The following TENM2 variants were observed in gnomAD, a reference collection of about 807,000 sequenced individuals.
TENM2 encodes the protein teneurin-2.
Under a neutral mutation model 245.2 loss-of-function variants are expected in TENM2, and 52 were observed. The observed-to-expected ratio is 0.21, with a 90% confidence interval of 0.17 to 0.27. The LOEUF is 0.27. TENM2 is among the 10% of genes least tolerant of loss of function. TENM2 has a pLI of 1.00. For missense variants in TENM2, 3,046 were observed against 3,666.8 expected (o/e 0.83, Z 4.37); for synonymous variants, 1,363 against 1,438.9 (o/e 0.95, Z 1.19).
chr5:168,175,290 A>T (rs1355377677), intron 13 of TENM2, among the ~76,000 whole-genome samples: 1 of 152,182 alleles, frequency 6.6e-6, no homozygotes, highest in Non-Finnish European at 1.5e-5. Context: ...GATTCTAAAA[A>T]CATACACTGC....
At chr5:167,128,022 C>A in the TENM2 span, among the ~76,000 whole-genome samples, 1 of 152,116 alleles carries the variant, frequency 6.6e-6, no homozygotes, top group Non-Finnish European at 1.5e-5. Flanking sequence ...AAAGCAGTAA[C>A]AAAGAAGGTT....
At chr5:167,707,960 TG>T (rs1758648089) in intron 2 of TENM2, among the ~76,000 whole-genome samples, 1 of 152,206 alleles carries the variant, frequency 6.6e-6, no homozygotes. Context: ...AGGAACGGTG[TG>T]GTGCTCGGAG....
At chr5:168,171,641 T>A (rs915652231) in intron 13 of TENM2, among the ~76,000 whole-genome samples, 4 of 152,266 alleles carry the variant, frequency 2.6e-5, no homozygotes, top group African/African-American at 9.6e-5. Context: ...CAGTCTTTTT[T>A]AATCAAGTCT....
chr5:167,944,686 T>G (rs1255784697), intron 3 of TENM2, among the ~76,000 whole-genome samples: 1 of 152,186 alleles, frequency 6.6e-6, no homozygotes, highest in Admixed American at 6.5e-5. Context: ...AGGAAGGGAC[T>G]GGGCCGTGAC....
chr5:166,980,137 T>C, the TENM2 span, among the ~76,000 whole-genome samples: 1 of 152,330 alleles, frequency 6.6e-6, no homozygotes, highest in Non-Finnish European at 1.5e-5. Flanking sequence ...CCCATGTTGC[T>C]TGCAAAAGAT....
the TENM2 span, among the ~76,000 whole-genome samples, chr5:167,227,445 G>A: frequency 6.6e-6 from 1 of 152,150 alleles, no homozygotes; most frequent in African/African-American, 2.4e-5. Flanking sequence ...TGTAGGGCCA[G>A]TCTAATGGAA....
chr5:167,086,994 T>C, the TENM2 span, among the ~76,000 whole-genome samples: 2 of 150,070 alleles, frequency 1.3e-5, no homozygotes, highest in East Asian at 2.0e-4. Context: ...CCTTCAATGA[T>C]TGTGATTTAA....
In TENM2 at chr5:167,605,872, A is replaced by G. The variant is rs553288252; in HGVS notation, c.502+230399A>G. On this transcript the variant is annotated intron_variant, in intron 2 of 28. Coordinates refer to ENST00000518659, the Ensembl canonical transcript of TENM2. The stretch of plus-strand genomic sequence containing the variant: ...TGAAAGGAGCTTTTAAAAAATATGC[A>G]TATTTGGGTGTCGCCCAGAAGAGTC... Among the ~76,000 whole-genome samples, 164 of 152,298 alleles carry G rather than the reference A, an allele frequency of 1.1e-3. 7 individuals carry two copies. In the South Asian group the frequency reaches 0.033, roughly 31 times the overall value.
intron 15 of TENM2, among the ~76,000 whole-genome samples, chr5:168,198,575 T>G (rs886843977): frequency 6.6e-6 from 1 of 152,230 alleles, no homozygotes; most frequent in African/African-American, 2.4e-5. Context: ...TGCTCTACAC[T>G]CATGATGTTT....
chr5:167,267,214 C>G, the TENM2 span, among the ~76,000 whole-genome samples: 1 of 152,172 alleles, frequency 6.6e-6, no homozygotes, highest in Non-Finnish European at 1.5e-5. Context: ...CTTAGTCATT[C>G]TTCCCAGCAA....
At chr5:168,155,892 T>TAAAAAAAAAAAA (rs55977607) in intron 12 of TENM2, among the ~76,000 whole-genome samples, 8 of 96,936 alleles carry the variant, frequency 8.3e-5, no homozygotes, top group African/African-American at 2.9e-4. Context: ...CTGGCATCTG[T>TAAAAAAAAAAAA]AAAAAAAAAA....
At chr5:167,240,659 G>C in the TENM2 span, among the ~76,000 whole-genome samples, 3 of 152,098 alleles carry the variant, frequency 2.0e-5, no homozygotes, top group African/African-American at 7.2e-5. Context: ...TGGTTTTTCT[G>C]TCCATGTATT....
the TENM2 span, among the ~76,000 whole-genome samples, chr5:167,211,032 A>T: frequency 3.3e-5 from 5 of 152,208 alleles, no homozygotes; most frequent in Non-Finnish European, 5.9e-5. Context: ...AGTTTGTGAA[A>T]GGGAGGGACT....
rs1454623367 is a variant in TENM2, at chr5:168,248,463, T to C, written c.7432+92T>C. Reference sequence around the variant, plus strand: ...GGGAGGAAGGTCTCCCATCTTATGGTAGGAGAAGCCCATGGGCCATAAAGC... The same window carrying C: ...GGGAGGAAGGTCTCCCATCTTATGGCAGGAGAAGCCCATGGGCCATAAAGC... On this transcript the variant is annotated intron_variant, in intron 27 of 28. Coordinates refer to ENST00000518659, the Ensembl canonical transcript of TENM2. 4.5e-6 allele frequency: 6 copies of C among 1,324,992 alleles called. No individual in the cohort carries two copies. In the East Asian group the frequency reaches 7.3e-5, roughly 16 times the overall value. The allele number at this position is 1,324,992 out of a possible 1,614,324, so 82.1% of individuals were successfully genotyped here.
At chr5:167,052,786 G>A in the TENM2 span, among the ~76,000 whole-genome samples, 2 of 149,838 alleles carry the variant, frequency 1.3e-5, no homozygotes, top group Non-Finnish European at 3.0e-5. Context: ...TTTCCCCTAA[G>A]TAAGCATTCT....
At chr5:167,891,869 G>A (rs1774789061) in intron 3 of TENM2, among the ~76,000 whole-genome samples, 1 of 152,082 alleles carries the variant, frequency 6.6e-6, no homozygotes, top group South Asian at 2.1e-4. Context: ...GCCTTGACTT[G>A]CCCACTTCCT....
intron 12 of TENM2, among the ~76,000 whole-genome samples, chr5:168,156,029 A>G (rs1290750039): frequency 6.6e-6 from 1 of 151,920 alleles, no homozygotes; most frequent in African/African-American, 2.4e-5. Context: ...GAATATCTCA[A>G]TGAACAAAAG....
chr5:167,205,311 G>A, the TENM2 span, among the ~76,000 whole-genome samples: 4 of 152,186 alleles, frequency 2.6e-5, no homozygotes, highest in Admixed American at 6.5e-5. Flanking sequence ...GACCTGGGAG[G>A]TGGAGGTTGC....
the TENM2 span, among the ~76,000 whole-genome samples, chr5:167,018,708 C>G: frequency 6.6e-6 from 1 of 151,986 alleles, no homozygotes; most frequent in African/African-American, 2.4e-5. Context: ...AAAAAATATT[C>G]AAGGCATGGA....
Sources: gnomAD v4.1 joint callset for allele counts (sites outside exome capture counted in the v4.1 genomes callset) on GRCh38, gnomAD v4.1.1 for gene constraint, MANE v1.5 for transcripts, NCBI Gene and HGNC (gene_info 2026-07-23, HGNC 2026-07-21) for gene names.